ZNF774: variants seen among roughly 807,000 people sequenced by gnomAD.
ZNF774 encodes zinc finger protein 774.
In ZNF774, 14 loss-of-function variants were observed where a neutral mutation model predicts 11.1. The ratio of observed to expected loss-of-function variants is 1.26; its 90% confidence interval spans 0.83 to 1.97. The LOEUF (loss-of-function observed/expected upper bound fraction) is 1.97. Ranked by LOEUF, ZNF774 falls within the 30% of genes most tolerant of loss-of-function variation. ZNF774 has a pLI of 0.00. For synonymous variants in ZNF774, 195 were observed against 212.6 expected (o/e 0.92, Z 0.72); for missense variants, 599 against 587.0 (o/e 1.02, Z -0.21).
At position 90,356,048 on chromosome 15, in the gene ZNF774, A is replaced by C. The variant is rs1213663711; in HGVS notation, c.104+1284A>C. Among the ~76,000 whole-genome samples, 2 of 150,294 alleles carry C rather than the reference A, an allele frequency of 1.3e-5. 1 individual carries two copies. Among genetic ancestry groups the C allele is most frequent in the Non-Finnish European group, 3.0e-5 (2 of 67,656 alleles). Reference sequence around the variant, plus strand: ...ATCTCAAAAAAAAAAAAATAAATAAAAAAAACCAAAAACACCTCCAATGCT... The same window carrying C: ...ATCTCAAAAAAAAAAAAATAAATAACAAAAACCAAAAACACCTCCAATGCT... On this transcript the variant is annotated intron_variant, in intron 2 of 3. Coordinates refer to ENST00000354377, the MANE Select transcript of ZNF774 (RefSeq NM_001004309.3).
At chr15:90,356,002 T>G (rs1429357684) in intron 2 of ZNF774, among the ~76,000 whole-genome samples, 1 of 135,410 alleles carries the variant, frequency 7.4e-6, no homozygotes, top group African/African-American at 3.0e-5. Flanking sequence ...CACTCCATCC[T>G]GGGCGACAGA....
intron 1 of ZNF774, among the ~76,000 whole-genome samples, chr15:90,353,895 AATAAATGACTGATCC>A (rs1964208282): frequency 6.6e-6 from 1 of 152,150 alleles, no homozygotes; most frequent in African/African-American, 2.4e-5. Flanking sequence ...TTAATTGTTG[AATAAATGACTGATCC>A]ATCCAGTAAT....
chr15:90,361,256 A>T lies in ZNF774; in HGVS notation c.1425A>T (p.Leu475Phe). 1 of 1,607,714 alleles carries T rather than the reference A, an allele frequency of 6.2e-7. No individual in the cohort carries two copies. The highest frequency in any genetic ancestry group is 8.5e-7 in the Non-Finnish European group (1 of 1,176,284). Reference protein sequence around the residue: ...NKSFRQKAHLLCHQNTHLI With the variant: ...NKSFRQKAHLFCHQNTHLI Reference sequence around the variant, plus strand: ...GCTTCCGTCAGAAAGCGCATCTTTTATGCCATCAAAACACCCATTTGATTT... The same window carrying T: ...GCTTCCGTCAGAAAGCGCATCTTTTTTGCCATCAAAACACCCATTTGATTT... Residue 475 changes from leucine to phenylalanine, a missense_variant, in exon 4 of 4, where the codon TTA becomes TTT. By Grantham distance (22) the Leu-to-Phe change is conservative (BLOSUM62 0). Coordinates refer to ENST00000354377, the MANE Select transcript of ZNF774 (RefSeq NM_001004309.3).
In ZNF774 at chr15:90,360,098, A is replaced by G. The variant is rs778932147; in HGVS notation, c.267A>G (p.Gln89=). 6.2e-7 allele frequency: 1 copy of G among 1,614,196 alleles called. No homozygotes were observed. ...AGGACAATTCTGAAACAGCAGAACA[A>G]TGTGGAACATCCTCAGAAAGGACCA... is the stretch of plus-strand genomic sequence containing the variant. ...LNQDNSETAE[Q]CGTSSERTNK... Residue 89 remains glutamine, a synonymous_variant, in exon 4 of 4, where the codon CAA becomes CAG. Coordinates refer to ENST00000354377, the MANE Select transcript of ZNF774 (RefSeq NM_001004309.3).
intron 1 of ZNF774, among the ~76,000 whole-genome samples, chr15:90,354,086 T>A (rs983369311): frequency 3.3e-5 from 5 of 150,384 alleles, no homozygotes; most frequent in South Asian, 2.1e-4. Context: ...AAAAAAAAAA[T>A]GTCTTTTTCA....
chr15:90,360,601 A>C lies in ZNF774; in HGVS notation c.770A>C (p.His257Pro), dbSNP rs1475599147. Residue 257 changes from histidine (H) to proline (P), a missense_variant, in exon 4 of 4, where the codon CAC (histidine) becomes CCC (proline). Physicochemically the swap from His to Pro is moderately conservative, Grantham distance 77 (BLOSUM62 -2). Transcript: ENST00000354377. ...KPHLIMHQRT[H>P]TGEKPYACLE... is the part of the protein sequence containing the mutation. ...CACCTCATAATGCACCAAAGAACCC[A>C]CACAGGCGAGAAGCCCTACGCGTGC... The C allele has an allele frequency of 6.2e-7, 1 of 1,614,186 alleles. No homozygotes were observed. The highest frequency in any genetic ancestry group is 2.2e-5 in the East Asian group (1 of 44,882).
rs1964328389 is a variant in ZNF774 at position 90,361,086 on chromosome 15, A to C, written c.1255A>C (p.Ile419Leu). Residue 419 changes from isoleucine to leucine, a missense_variant, in exon 4 of 4, where the codon ATT becomes CTT. Physicochemically the swap from Ile to Leu is conservative, Grantham distance 5. Coordinates refer to ENST00000354377, the MANE Select transcript of ZNF774 (RefSeq NM_001004309.3). Reference protein sequence around the residue: ...GKSFNQSSHFITHQRIHLGDR... With the variant: ...GKSFNQSSHFLTHQRIHLGDR... ...GAGCTTCAATCAGAGCTCCCACTTT[A>C]TTACCCATCAGCGAATCCACTTAGG... The C allele has an allele frequency of 1.2e-6, 2 of 1,614,152 alleles. No individual in the cohort carries two copies. The highest frequency in any genetic ancestry group is 2.7e-5 in the African/African-American group (2 of 75,032).
chr15:90,354,496 C>A, intron 1 of ZNF774, 146 bp from the exon 2 acceptor site: 1 of 599,396 alleles, frequency 1.7e-6, no homozygotes. Flanking sequence ...AAAAGCACCC[C>A]TCTGTGGTTG....
Position 90,362,718 on chromosome 15 carries a change from C to A in ZNF774, c.*1435C>A. The A allele has an allele frequency of 1.4e-6, 1 of 715,884 alleles. No homozygotes were observed. The highest frequency in any genetic ancestry group is 2.4e-6 in the Non-Finnish European group (1 of 413,984). 44.3% of individuals were successfully genotyped at this position (715,884 alleles called of 1,614,324 possible). A position where few individuals can be genotyped will look rare whatever the true frequency, so the allele number is the denominator to read the frequency against. On this transcript the variant is annotated 3_prime_UTR_variant, in exon 4 of 4. Transcript: ENST00000354377. ...TTCTCCCAGCCTCAAGTTTTACCTA[C>A]CTCACAAGGTTGTTGTGAGGATCTA...
In ZNF774 at chr15:90,358,840, T is replaced by C; in HGVS notation, c.105-11T>C. 3 of 1,610,028 alleles carry C rather than the reference T, an allele frequency of 1.9e-6. No individual in the cohort carries two copies. The highest frequency in any genetic ancestry group is 2.5e-6 in the Non-Finnish European group (3 of 1,177,042). ...CTCAGACTCACATCCTATGTTTACA[T>C]TCCTGTGTAGAATTTCCAGGCCTAG... On this transcript the variant is annotated splice_polypyrimidine_tract_variant and intron_variant, in intron 2 of 3. Transcript: ENST00000354377.
intron 2 of ZNF774, among the ~76,000 whole-genome samples, chr15:90,358,227 T>G (rs1461958815): frequency 6.6e-6 from 1 of 152,042 alleles, no homozygotes; most frequent in Non-Finnish European, 1.5e-5. Flanking sequence ...AGACACAGAG[T>G]TTAAGTAACT....
chr15:90,359,005 T>G, intron 3 of ZNF774, 48 bp downstream of exon 3: 2 of 1,460,672 alleles, frequency 1.4e-6, no homozygotes, highest in South Asian at 1.2e-5. Context: ...CATTTCAGCC[T>G]TGTTTAGATG....
intron 2 of ZNF774, 29 bp downstream of exon 2, chr15:90,354,793 T>C (rs779135165): frequency 6.4e-7 from 1 of 1,559,740 alleles, no homozygotes; most frequent in Non-Finnish European, 8.8e-7. Context: ...TTTATTTCAT[T>C]TATTTATCTT....
chr15:90,359,362 G>A (rs1026227225), intron 3 of ZNF774, among the ~76,000 whole-genome samples: 10 of 150,928 alleles, frequency 6.6e-5, no homozygotes, highest in Admixed American at 2.6e-4. Flanking sequence ...GTGAGCCACC[G>A]CGCCCGGCCA....
intron 1 of ZNF774, 86 bp from the exon 2 acceptor site, chr15:90,354,556 G>T (rs765927474): frequency 8.5e-6 from 7 of 821,810 alleles, no homozygotes; most frequent in Non-Finnish European, 1.4e-5. Context: ...GGTTGTTTGT[G>T]TACACTGGTG....
intron 3 of ZNF774, 133 bp from the exon 4 acceptor site, chr15:90,359,910 A>C (rs1964301626): frequency 1.0e-6 from 1 of 1,004,720 alleles, no homozygotes; most frequent in Non-Finnish European, 1.4e-6. Context: ...ACTTTTCACA[A>C]AGTGAAAACA....
In ZNF774 at chr15:90,362,517, G is replaced by A. The variant is rs1413696021; in HGVS notation, c.*1234G>A. The A allele has an allele frequency of 1.3e-6, 2 of 1,534,250 alleles. No individual in the cohort carries two copies. The highest frequency in any genetic ancestry group is 8.7e-7 in the Non-Finnish European group (1 of 1,145,478). ...CTGGGTCATTGGCCATTTAGTTTTA[G>A]GTTAATATAATTCTCTGATCCTTTT... On this transcript the variant is annotated 3_prime_UTR_variant, in exon 4 of 4. Transcript: ENST00000354377.
At chr15:90,354,598 A>C (rs1227219075) in intron 1 of ZNF774, 44 bp from the exon 2 acceptor site, 13 of 1,330,340 alleles carry the variant, frequency 9.8e-6, no homozygotes, top group Non-Finnish European at 1.2e-5. Flanking sequence ...AATGGTGAGA[A>C]TATCTAGGGA....
intron 1 of ZNF774, among the ~76,000 whole-genome samples, chr15:90,353,425 A>AGTGTGTGTGTGTGT (rs56080142): frequency 1.6e-3 from 227 of 139,430 alleles, no homozygotes; most frequent in African/African-American, 5.7e-3. Context: ...TTCCCCCAAA[A>AGTGTGTGTGTGTGT]GTGTGTGTGT....
Sources: allele counts gnomAD v4.1 joint callset (sites outside exome capture counted in the v4.1 genomes callset), GRCh38; gene constraint gnomAD v4.1.1; transcripts MANE v1.5; gene names NCBI Gene and HGNC (gene_info 2026-07-23, HGNC 2026-07-21).